ATP2B4: variants seen among roughly 807,000 people sequenced by gnomAD.
The protein encoded by ATP2B4 is plasma membrane calcium-transporting ATPase 4.
In ATP2B4, 39 loss-of-function variants were observed where a neutral mutation model predicts 110.3. The ratio of observed to expected loss-of-function variants is 0.35; its 90% CI spans 0.27 to 0.46. The LOEUF is 0.46. Ranked by LOEUF, ATP2B4 falls within the 20% of genes least tolerant of loss-of-function variation. ATP2B4 has a pLI of 1.00. For missense variants in ATP2B4, 1,135 were observed against 1,530.9 expected (o/e 0.74, Z 4.32); for synonymous variants, 538 against 571.7 (o/e 0.94, Z 0.84).
At chr1:203,724,086 C>A in intron 19 of ATP2B4, 98 bp downstream of exon 19, 1 of 989,916 alleles carries the variant, frequency 1.0e-6, no homozygotes, top group East Asian at 2.7e-5. Flanking sequence ...CCCCCCAGCT[C>A]CTCATCTTCA....
intron 2 of ATP2B4, among the ~76,000 whole-genome samples, chr1:203,687,387 G>A (rs1665230018): frequency 6.6e-6 from 1 of 152,128 alleles, no homozygotes; most frequent in South Asian, 2.1e-4. Context: ...TTTAGTTAGG[G>A]TAGGCAGACA....
intron 1 of ATP2B4, among the ~76,000 whole-genome samples, chr1:203,670,731 T>A (rs1414687903): frequency 1.3e-5 from 2 of 152,218 alleles, no homozygotes; most frequent in Non-Finnish European, 1.5e-5. Flanking sequence ...GACTGATTTT[T>A]ATCCCAAGTT....
rs1666998813 is a variant in ATP2B4 at position 203,741,649 on chromosome 1, C to T, written c.*1795C>T. ...TCTTCTGGATCTGTCCTCCCTCACC[C>T]CTTTCACCTGAGCTGTCCACAGTAG... On this transcript the variant is annotated 3_prime_UTR_variant, in exon 21 of 21. Transcript: ENST00000357681. 1 of 152,326 alleles carries T rather than the reference C, an allele frequency of 6.6e-6. No homozygotes were observed. The highest frequency in any genetic ancestry group is 1.5e-5 in the Non-Finnish European group (1 of 68,044). The allele number at this position is 152,326 out of a possible 1,614,324, so 9.4% of individuals were successfully genotyped here.
At chr1:203,714,070 A>T in intron 14 of ATP2B4, 101 bp from the exon 15 acceptor site, 1 of 1,164,476 alleles carries the variant, frequency 8.6e-7, no homozygotes, top group Non-Finnish European at 1.3e-6. Context: ...TAGGAAAGGG[A>T]AAAGGGAAGG....
At position 203,699,107 on chromosome 1, in the gene ATP2B4, C is replaced by T. The variant is rs116279714; in HGVS notation, c.392-353C>T. On this transcript the variant is annotated intron_variant, in intron 3 of 20. Transcript: ENST00000357681. ...CTCTACCCTTATCCAACCAACAAAA[C>T]CCTACATCTCAAAGTGCCCCCTGCC... Among the ~76,000 whole-genome samples, 1,375 of 152,304 alleles carry T rather than the reference C, an allele frequency of 9.0e-3. 6 individuals are homozygous for T. The highest frequency in any genetic ancestry group is 0.014 in the Non-Finnish European group (964 of 68,030).
intron 4 of ATP2B4, among the ~76,000 whole-genome samples, 183 bp from the exon 5 acceptor site, chr1:203,700,023 C>T (rs991716261): frequency 1.3e-5 from 2 of 152,230 alleles, no homozygotes; most frequent in Non-Finnish European, 2.9e-5. Context: ...TGGAAAGCAA[C>T]CTTCTCCCAG....
intron 1 of ATP2B4, among the ~76,000 whole-genome samples, chr1:203,665,006 T>A (rs1664460672): frequency 6.6e-6 from 1 of 152,130 alleles, no homozygotes; most frequent in Admixed American, 6.5e-5. Flanking sequence ...TAATTTTTTG[T>A]GTTTTTAGTA....
At chr1:203,690,196 T>C (rs140761172) in intron 2 of ATP2B4, among the ~76,000 whole-genome samples, 3 of 152,342 alleles carry the variant, frequency 2.0e-5, no homozygotes, top group African/African-American at 7.2e-5. Context: ...CCCGTCACTG[T>C]GCCTTTTGAG....
At chr1:203,720,861 A>G (rs1571762313) in intron 16 of ATP2B4, 121 bp downstream of exon 16, 2 of 1,204,950 alleles carry the variant, frequency 1.7e-6, no homozygotes, top group East Asian at 2.5e-5. Flanking sequence ...ACATTGGGAC[A>G]GGAGTTAGCT....
intron 20 of ATP2B4, among the ~76,000 whole-genome samples, chr1:203,735,055 AAG>A (rs1353436946): frequency 1.3e-5 from 2 of 151,698 alleles, no homozygotes; most frequent in African/African-American, 4.8e-5. Context: ...AGTTCACATG[AAG>A]GTACGAGAAA....
Position 203,739,659 on chromosome 1 carries a change from G to C in ATP2B4, c.3423G>C (p.Glu1141Asp), listed in dbSNP as rs774547453. The C allele has an allele frequency of 9.3e-6, 15 of 1,614,052 alleles. No individual in the cohort carries two copies. Among genetic ancestry groups the C allele is most frequent in the Non-Finnish European group, 1.3e-5 (15 of 1,180,034 alleles). ...ACCCTGAATTCGCCATAGAGGAGGA[G>C]TTGCCACGAACACCACTCCTGGATG... ...MTHPEFAIEE[E>D]LPRTPLLDEE... Residue 1141 changes from glutamate (E) to aspartate (D), a missense_variant, in exon 21 of 21, where the codon GAG becomes GAC. Physicochemically the swap from Glu to Asp is conservative, Grantham distance 45. Coordinates refer to ENST00000357681, the MANE Select transcript of ATP2B4 (RefSeq NM_001684.5).
chr1:203,683,283 A>C lies in ATP2B4; in HGVS notation c.78A>C (p.Val26=), dbSNP rs936312041. The C allele has an allele frequency of 6.2e-7, 1 of 1,614,164 alleles. No individual in the cohort carries two copies. Among genetic ancestry groups the C allele is most frequent in the African/African-American group, 1.3e-5 (1 of 75,044 alleles). Residue 26 remains valine, a synonymous_variant, in exon 2 of 21, where the codon GTA becomes GTC. Transcript: ENST00000357681. The part of the protein sequence containing the change: ...ESREGDFGCT[V]MELRKLMELR... ...GTGAAGGGGACTTTGGCTGCACAGT[A>C]ATGGAACTGAGGAAGCTCATGGAGC... is the stretch of plus-strand genomic sequence containing the variant.
intron 1 of ATP2B4, among the ~76,000 whole-genome samples, chr1:203,669,020 G>A (rs1476421622): frequency 6.6e-6 from 1 of 152,200 alleles, no homozygotes; most frequent in South Asian, 2.1e-4. Context: ...GATCTTGGTA[G>A]CTTAGGGCTT....
At chr1:203,714,310 G>A in intron 15 of ATP2B4, 33 bp downstream of exon 15, 1 of 1,611,076 alleles carries the variant, frequency 6.2e-7, no homozygotes, top group Non-Finnish European at 8.5e-7. Context: ...CTGATTGCAA[G>A]CTGCCTTCTC....
chr1:203,698,224 C>G lies in ATP2B4; in HGVS notation c.261C>G (p.Pro87=), dbSNP rs200395561. 3.1e-6 allele frequency: 5 copies of G among 1,614,184 alleles called. No homozygotes were observed. In the South Asian group the frequency reaches 4.4e-5, roughly 14 times the overall value. The change falls in exon 3 of 21, where the codon CCC becomes CCG. Residue 87 remains proline, a synonymous_variant. Coordinates refer to ENST00000357681, the MANE Select transcript of ATP2B4 (RefSeq NM_001684.5). ...TGTTTGGACACAACGTGATCCCCCC[C>G]AAAAAGCCCAAGACTTTCTTAGAAT... ...RQVFGHNVIP[P]KKPKTFLELV... is the part of the protein sequence containing the mutation.
intron 20 of ATP2B4, chr1:203,733,355 T>C (rs1666789203): frequency 6.2e-7 from 1 of 1,614,030 alleles, no homozygotes; most frequent in African/African-American, 1.3e-5. Flanking sequence ...AGTCAAATCT[T>C]CCCCCACCAC....
At chr1:203,731,837 G>A (rs369054448) in intron 20 of ATP2B4, among the ~76,000 whole-genome samples, 33 of 102,162 alleles carry the variant, frequency 3.2e-4, no homozygotes, top group South Asian at 4.1e-4. Flanking sequence ...GTGACAGAGC[G>A]AGACTCTGTC....
chr1:203,729,111 T>C (rs538366573), intron 20 of ATP2B4, among the ~76,000 whole-genome samples: 1 of 149,700 alleles, frequency 6.7e-6, no homozygotes, highest in African/African-American at 2.5e-5. Flanking sequence ...GATTGAGAGT[T>C]GTCTCAAAAA....
intron 17 of ATP2B4, 50 bp from the exon 18 acceptor site, chr1:203,722,428 T>C (rs533906529): frequency 2.1e-6 from 3 of 1,436,558 alleles, no homozygotes; most frequent in African/African-American, 1.4e-5. Flanking sequence ...ACATTCTTAC[T>C]CTTAGTTCAG....
Sources: allele counts gnomAD v4.1 joint callset (sites outside exome capture counted in the v4.1 genomes callset), GRCh38; gene constraint gnomAD v4.1.1; transcripts MANE v1.5; gene names NCBI Gene and HGNC (gene_info 2026-07-23, HGNC 2026-07-21).